MTHFD1: variants seen among roughly 807,000 people sequenced by gnomAD.
The protein encoded by MTHFD1 is methylenetetrahydrofolate dehydrogenase, cyclohydrolase and formyltetrahydrofolate synthetase 1.
Under a neutral mutation model 110.3 loss-of-function variants are expected in MTHFD1, and 44 were observed. The observed-to-expected ratio is 0.40, with a 90% confidence interval of 0.31 to 0.51. MTHFD1 has a LOEUF of 0.51. Ranked by LOEUF, MTHFD1 falls within the 20% of genes least tolerant of loss-of-function variation. The pLI is 0.60. For synonymous variants in MTHFD1, 402 were observed against 428.8 expected (o/e 0.94, Z 0.77); for missense variants, 909 against 1,173.1 (o/e 0.77, Z 3.29).
At chr14:64,458,504 A>G (rs183727271) in intron 27 of MTHFD1, 197 bp downstream of exon 27, 163 of 608,944 alleles carry the variant, frequency 2.7e-4, no homozygotes, top group Non-Finnish European at 3.1e-4. Context: ...ATTTCAACAC[A>G]TTTTTGGAAG....
intron 22 of MTHFD1, among the ~76,000 whole-genome samples, chr14:64,445,656 T>A (rs567438392): frequency 9.2e-5 from 14 of 152,302 alleles, no homozygotes; most frequent in African/African-American, 3.1e-4. Context: ...TCTGCCTGTC[T>A]TCTGAGTTAT....
intron 8 of MTHFD1, 72 bp from the exon 9 acceptor site, chr14:64,424,732 A>C: frequency 6.4e-7 from 1 of 1,567,118 alleles, no homozygotes; most frequent in East Asian, 2.2e-5. Flanking sequence ...AATTCTGCTG[A>C]GTTTTTGTCG....
At chr14:64,456,690 C>G (rs2078479914) in intron 26 of MTHFD1, among the ~76,000 whole-genome samples, 1 of 152,178 alleles carries the variant, frequency 6.6e-6, no homozygotes, top group South Asian at 2.1e-4. Flanking sequence ...TCCTACTTGT[C>G]TCACACCTAG....
intron 26 of MTHFD1, among the ~76,000 whole-genome samples, chr14:64,457,751 C>T (rs938782490): frequency 4.6e-5 from 7 of 152,116 alleles, no homozygotes; most frequent in South Asian, 4.1e-4. Flanking sequence ...CCACCACGCC[C>T]GGCAGGGATC....
chr14:64,452,128 T>C (rs1431683077), intron 24 of MTHFD1, among the ~76,000 whole-genome samples: 1 of 152,166 alleles, frequency 6.6e-6, no homozygotes, highest in Non-Finnish European at 1.5e-5. Context: ...AAACTCCGTC[T>C]CTACTAAAAA....
intron 24 of MTHFD1, 46 bp downstream of exon 24, chr14:64,449,668 C>T (rs1490634000): frequency 4.4e-6 from 7 of 1,600,212 alleles, no homozygotes; most frequent in Non-Finnish European, 6.0e-6. Flanking sequence ...ACGAAAAGGG[C>T]ACAGTGAAGT....
At position 64,441,577 on chromosome 14, in the gene MTHFD1, T is replaced by A. The variant is rs146302590; in HGVS notation, c.1884+124T>A. 615 of 800,920 alleles carry A rather than the reference T, an allele frequency of 7.7e-4. 1 individual carries two copies. The highest frequency in any genetic ancestry group is 7.2e-3 in the African/African-American group (426 of 59,044). The allele number at this position is 800,920 out of a possible 1,614,324, so 49.6% of individuals were successfully genotyped here. Reference sequence around the variant, plus strand: ...ATCCCAGCACTTTGGGAGGCCAAGGTGGGCAGATCACAAGGTCAGGAGATC... The same window carrying A: ...ATCCCAGCACTTTGGGAGGCCAAGGAGGGCAGATCACAAGGTCAGGAGATC... On this transcript the variant is annotated intron_variant, in intron 19 of 27. Transcript: ENST00000652337.
chr14:64,418,143 GA>G (rs2078039740), intron 7 of MTHFD1, 119 bp downstream of exon 7: 3 of 1,342,676 alleles, frequency 2.2e-6, no homozygotes, highest in Non-Finnish European at 3.1e-6. Context: ...TTTACAAGAT[GA>G]AAAAACAAAT....
At chr14:64,448,825 AGTCT>A (rs1344293418) in intron 23 of MTHFD1, among the ~76,000 whole-genome samples, 10 of 151,476 alleles carry the variant, frequency 6.6e-5, no homozygotes, top group African/African-American at 1.9e-4. Context: ...TGGGGGACGA[AGTCT>A]GTCTCTGTTG....
intron 15 of MTHFD1, among the ~76,000 whole-genome samples, chr14:64,432,778 C>T (rs1278814635): frequency 6.6e-6 from 1 of 152,120 alleles, no homozygotes; most frequent in Non-Finnish European, 1.5e-5. Context: ...TTTTTTGAGA[C>T]AGCGTCTCTC....
At chr14:64,433,180 G>A in intron 15 of MTHFD1, among the ~76,000 whole-genome samples, 1 of 152,154 alleles carries the variant, frequency 6.6e-6, no homozygotes, top group Admixed American at 6.6e-5. Flanking sequence ...GGAGTGCAAT[G>A]GTGTGATCTC....
intron 8 of MTHFD1, among the ~76,000 whole-genome samples, chr14:64,421,279 T>C (rs1483203059): frequency 6.6e-6 from 1 of 152,240 alleles, no homozygotes; most frequent in Non-Finnish European, 1.5e-5. Context: ...GTGGTCACTG[T>C]GGCGCCACAT....
intron 1 of MTHFD1, among the ~76,000 whole-genome samples, chr14:64,395,987 A>G (rs1314808685): frequency 6.6e-6 from 1 of 152,176 alleles, no homozygotes; most frequent in Non-Finnish European, 1.5e-5. Context: ...TTGCTTTCTT[A>G]GGGCTTTGAG....
chr14:64,406,615 C>T (rs2077938236), intron 2 of MTHFD1, among the ~76,000 whole-genome samples: 1 of 151,360 alleles, frequency 6.6e-6, no homozygotes, highest in African/African-American at 2.4e-5. Context: ...ATCTCAGCCT[C>T]CTGAGTAGCT....
intron 3 of MTHFD1, among the ~76,000 whole-genome samples, chr14:64,411,628 G>A (rs1202042207): frequency 2.6e-5 from 4 of 152,206 alleles, no homozygotes; most frequent in Admixed American, 6.5e-5. Flanking sequence ...GGCCGGACGC[G>A]GTGGCTCACG....
intron 1 of MTHFD1, chr14:64,388,824 G>A: frequency 4.5e-6 from 2 of 447,666 alleles, no homozygotes; most frequent in East Asian, 8.5e-5. Flanking sequence ...CCGTTAATTT[G>A]GAGGTGAGTA....
chr14:64,410,593 A>T (rs954806966), intron 2 of MTHFD1, among the ~76,000 whole-genome samples: 4 of 152,086 alleles, frequency 2.6e-5, no homozygotes, highest in African/African-American at 9.7e-5. Flanking sequence ...TGTAAACTAG[A>T]GGGAGGTCCT....
chr14:64,418,242 T>C (rs1028672392), intron 7 of MTHFD1, among the ~76,000 whole-genome samples: 3 of 150,344 alleles, frequency 2.0e-5, no homozygotes, highest in Admixed American at 1.3e-4. Flanking sequence ...AGCCCAAGAG[T>C]TTTTGAGACC....
intron 26 of MTHFD1, among the ~76,000 whole-genome samples, chr14:64,455,718 G>A (rs1479849901): frequency 3.3e-5 from 5 of 152,222 alleles, no homozygotes; most frequent in African/African-American, 9.7e-5. Context: ...AAAGTGGTAG[G>A]AGGTGGCATT....
Sources: gnomAD v4.1 joint callset for allele counts (sites outside exome capture counted in the v4.1 genomes callset) on GRCh38, gnomAD v4.1.1 for gene constraint, MANE v1.5 for transcripts, NCBI Gene and HGNC (gene_info 2026-07-23, HGNC 2026-07-21) for gene names.